Variants in EYS observed in about 807,000 individuals in gnomAD.
EYS encodes the protein EGF-like photoreceptor maintenance factor.
Under a neutral mutation model 282.1 loss-of-function variants are expected in EYS, and 250 were observed. The observed-to-expected ratio is 0.89, with a 90% CI of 0.80 to 0.98. The LOEUF (loss-of-function observed/expected upper bound fraction) is 0.98, where lower values mean the gene tolerates loss of function less well. Ranked by LOEUF, EYS falls within the 50% of genes least tolerant of loss-of-function variation. The pLI, the probability that EYS is intolerant of heterozygous loss-of-function variation, is 0.00. For synonymous variants in EYS, 1,355 were observed against 1,282.9 expected (o/e 1.06, Z -1.20); for missense variants, 4,016 against 3,709.0 (o/e 1.08, Z -2.15).
chr6:65,195,986 A>C (rs921834419), intron 12 of EYS, among the ~76,000 whole-genome samples: 1 of 152,090 alleles, frequency 6.6e-6, no homozygotes, highest in African/African-American at 2.4e-5. Flanking sequence ...AATGGAAAGG[A>C]CATTATTTCA....
At chr6:65,050,475 C>A (rs953074923) in intron 13 of EYS, among the ~76,000 whole-genome samples, 6 of 151,354 alleles carry the variant, frequency 4.0e-5, no homozygotes, top group African/African-American at 1.5e-4. Flanking sequence ...TTTATTTGAC[C>A]ACTCCTCCAA....
intron 2 of EYS, among the ~76,000 whole-genome samples, chr6:65,552,306 T>C (rs572188734): frequency 1.8e-4 from 28 of 152,190 alleles, no homozygotes; most frequent in Non-Finnish European, 3.8e-4. Flanking sequence ...TCAGTGACCC[T>C]AAGCAAAAGT....
rs962002823 is a variant in EYS at position 64,197,140 on chromosome 6, T to C, written c.6424+33452A>G. ...AGTTGTTGGCTTCAAATTATTTTTA[T>C]ACTATCTAGGTAGTGTTAATTTGGG... On this transcript the variant is annotated intron_variant, in intron 31 of 42. Transcript: ENST00000503581. Among the ~76,000 whole-genome samples the C allele has an allele frequency of 7.2e-5, 11 of 152,362 alleles. No homozygotes were observed. The East Asian group carries it at 1.9e-3, about 27-fold the overall frequency.
intron 2 of EYS, among the ~76,000 whole-genome samples, chr6:65,549,435 C>T (rs1582443742): frequency 6.6e-6 from 1 of 152,256 alleles, no homozygotes; most frequent in Admixed American, 6.5e-5. Context: ...TGCCTGCCTT[C>T]CTGTTTTGGT....
intron 5 of EYS, among the ~76,000 whole-genome samples, chr6:65,464,091 C>T (rs9351505): frequency 4.6e-5 from 7 of 151,918 alleles, no homozygotes; most frequent in South Asian, 4.1e-4. Flanking sequence ...TATTGGATTC[C>T]GATAAATGGA....
chr6:63,930,325 C>G (rs550409145), intron 35 of EYS, among the ~76,000 whole-genome samples: 22 of 117,992 alleles, frequency 1.9e-4, no homozygotes, highest in African/African-American at 7.0e-4. Flanking sequence ...AGGTTGATCA[C>G]GTTTACATTC....
intron 33 of EYS, among the ~76,000 whole-genome samples, chr6:64,034,428 T>C (rs74601181): frequency 0.027 from 4,079 of 152,282 alleles, 111 homozygotes; most frequent in East Asian, 0.07. Context: ...GGAATGCAAG[T>C]GACTTGCACA....
intron 15 of EYS, among the ~76,000 whole-genome samples, chr6:64,928,090 G>T (rs892913417): frequency 4.6e-5 from 7 of 151,892 alleles, no homozygotes; most frequent in African/African-American, 1.7e-4. Flanking sequence ...TAAAATCTTT[G>T]CATTTTATTA....
intron 5 of EYS, among the ~76,000 whole-genome samples, chr6:65,483,983 C>T (rs917961862): frequency 6.6e-6 from 1 of 152,068 alleles, no homozygotes; most frequent in Non-Finnish European, 1.5e-5. Flanking sequence ...TTCCTACCGG[C>T]TCCCTCCCAC....
intron 1 of EYS, among the ~76,000 whole-genome samples, chr6:65,664,309 A>T (rs891278934): frequency 1.3e-5 from 2 of 152,218 alleles, no homozygotes. Flanking sequence ...AAGAAAGGGC[A>T]GACTGAGATG....
chr6:64,577,243 C>G lies in EYS; in HGVS notation c.5644+12980G>C, dbSNP rs114602526. Among the ~76,000 whole-genome samples the G allele has an allele frequency of 2.5e-3, 381 of 152,140 alleles. 4 individuals are homozygous for G. Among genetic ancestry groups the G allele is most frequent in the African/African-American group, 8.5e-3 (354 of 41,530 alleles). ...GTTTCTGGTATTTTATTGTGGCAGA[C>G]CTAGAAGACTAATATGTTACATTGT... On this transcript the variant is annotated intron_variant, in intron 26 of 42. Transcript: ENST00000503581.
chr6:65,238,510 G>C (rs1279736960), intron 12 of EYS, among the ~76,000 whole-genome samples: 2 of 151,832 alleles, frequency 1.3e-5, no homozygotes, highest in Non-Finnish European at 2.9e-5. Flanking sequence ...TAATCATAGT[G>C]TTCTATTTCT....
At chr6:65,237,076 T>C (rs62407259) in intron 12 of EYS, among the ~76,000 whole-genome samples, 29,744 of 152,096 alleles carry the variant, frequency 0.2, 3,226 homozygotes, top group Non-Finnish European at 0.24. Flanking sequence ...AAATACAAAA[T>C]GAAAATCTAA....
chr6:64,502,254 T>C (rs896915487), intron 26 of EYS, among the ~76,000 whole-genome samples: 1 of 74,252 alleles, frequency 1.3e-5, no homozygotes, highest in African/African-American at 4.2e-5. Flanking sequence ...TTTGTTTTGT[T>C]TTTTTTGCCG....
chr6:64,448,432 A>G (rs1298027612), intron 26 of EYS, among the ~76,000 whole-genome samples: 2 of 152,230 alleles, frequency 1.3e-5, no homozygotes, highest in African/African-American at 4.8e-5. Flanking sequence ...CTCTGGGGGC[A>G]GGGCACAGAC....
chr6:63,867,830 G>A (rs994059961), intron 35 of EYS, among the ~76,000 whole-genome samples: 1 of 152,112 alleles, frequency 6.6e-6, no homozygotes, highest in African/African-American at 2.4e-5. Context: ...GATTTAGAAT[G>A]TCTAAAGTAA....
At chr6:65,545,107 C>T (rs1217843117) in intron 2 of EYS, among the ~76,000 whole-genome samples, 3 of 151,970 alleles carry the variant, frequency 2.0e-5, no homozygotes, top group African/African-American at 7.2e-5. Context: ...AGTACTCTTA[C>T]ATTCATTAGT....
intron 26 of EYS, among the ~76,000 whole-genome samples, chr6:64,450,038 TCCA>T (rs1374088392): frequency 5.9e-5 from 9 of 151,664 alleles, no homozygotes; most frequent in African/African-American, 2.2e-4. Flanking sequence ...GGATAAATGC[TCCA>T]ATTAAAAGGC....
intron 31 of EYS, among the ~76,000 whole-genome samples, chr6:64,222,319 G>C (rs547356453): frequency 2.0e-5 from 3 of 151,898 alleles, no homozygotes; most frequent in Admixed American, 1.3e-4. Context: ...CCTATCAAAG[G>C]CACATCGCAT....
Sources: allele counts gnomAD v4.1 joint callset (sites outside exome capture counted in the v4.1 genomes callset), GRCh38; gene constraint gnomAD v4.1.1; transcripts MANE v1.5; gene names NCBI Gene and HGNC (gene_info 2026-07-23, HGNC 2026-07-21).